The following RNLS variants were observed in gnomAD, a reference collection of about 807,000 sequenced individuals.
The protein encoded by RNLS is renalase.
In RNLS, 39 loss-of-function variants were observed where a neutral mutation model predicts 39.8. The observed-to-expected ratio is 0.98, with a 90% CI of 0.76 to 1.28. The LOEUF is 1.28. RNLS is among the 50% of genes most tolerant of loss of function. The probability of loss-of-function intolerance (pLI) is 0.00; values close to 1 mark genes in which losing one functional copy is unlikely to be tolerated. For synonymous variants in RNLS, 147 were observed against 150.7 expected (o/e 0.98, Z 0.18); for missense variants, 410 against 413.3 (o/e 0.99, Z 0.07).
At chr10:88,343,144 G>C (rs983519261) in intron 5 of RNLS, among the ~76,000 whole-genome samples, 53 of 152,150 alleles carry the variant, frequency 3.5e-4, no homozygotes, top group African/African-American at 2.4e-5. Context: ...GAACAGGAAA[G>C]TGAGTGGCAT....
chr10:88,361,152 T>C (rs1477865512), intron 5 of RNLS, among the ~76,000 whole-genome samples: 1 of 152,214 alleles, frequency 6.6e-6, no homozygotes, highest in African/African-American at 2.4e-5. Flanking sequence ...CTTTCTCTTT[T>C]GCTCTTCTTT....
the RNLS span, among the ~76,000 whole-genome samples, chr10:88,230,415 G>A: frequency 6.6e-6 from 1 of 152,124 alleles, no homozygotes; most frequent in South Asian, 2.1e-4. Flanking sequence ...ATCCACCTGA[G>A]TCGCCCCCTC....
intron 4 of RNLS, among the ~76,000 whole-genome samples, chr10:88,422,759 G>GC (rs199503027): frequency 2.0e-5 from 3 of 150,500 alleles, no homozygotes; most frequent in Admixed American, 1.3e-4. Flanking sequence ...CAATTAGATG[G>GC]CCCTTTTTTT....
At chr10:88,505,569 TA>T (rs1007865157) in intron 4 of RNLS, among the ~76,000 whole-genome samples, 4 of 151,622 alleles carry the variant, frequency 2.6e-5, no homozygotes, top group Admixed American at 1.3e-4. Flanking sequence ...GAAGGAATAA[TA>T]AAAAAAAGTT....
chr10:88,512,954 T>C (rs1846212027), intron 4 of RNLS, among the ~76,000 whole-genome samples: 1 of 152,114 alleles, frequency 6.6e-6, no homozygotes, highest in Admixed American at 6.6e-5. Flanking sequence ...ATAATAATAA[T>C]ACCTACCTCA....
chr10:88,340,588 TACTA>T (rs1356772819), intron 5 of RNLS, among the ~76,000 whole-genome samples: 18 of 152,338 alleles, frequency 1.2e-4, no homozygotes, highest in African/African-American at 4.3e-4. Context: ...TGTTTTATGA[TACTA>T]CCTCTTCAAT....
intron 4 of RNLS, among the ~76,000 whole-genome samples, chr10:88,451,350 T>C (rs1460194058): frequency 1.3e-5 from 2 of 152,100 alleles, no homozygotes; most frequent in Admixed American, 6.5e-5. Context: ...GACAACGTGG[T>C]TTGGCTGCCC....
At position 88,314,388 on chromosome 10, in the gene RNLS, A is replaced by G. The variant is rs11202711; in HGVS notation, c.876+78T>C. Reference sequence around the variant, plus strand: ...TTAATTTATTTCACTAGAGAGTGCAAAGGATAAAGAAGTAACATCAGTTCT... The same window carrying G: ...TTAATTTATTTCACTAGAGAGTGCAGAGGATAAAGAAGTAACATCAGTTCT... On this transcript the variant is annotated intron_variant, in intron 6 of 6. Coordinates refer to ENST00000331772, the MANE Select transcript of RNLS (RefSeq NM_001031709.3). 476,278 of 1,427,590 alleles carry G rather than the reference A, an allele frequency of 0.33. 82,316 individuals are homozygous for G. The highest frequency in any genetic ancestry group is 0.37 in the South Asian group (28,778 of 76,886). The allele number at this position is 1,427,590 out of a possible 1,614,324, so 88.4% of individuals were successfully genotyped here.
intron 4 of RNLS, among the ~76,000 whole-genome samples, chr10:88,510,196 T>A (rs1846039058): frequency 6.6e-6 from 1 of 152,062 alleles, no homozygotes; most frequent in South Asian, 2.1e-4. Context: ...GGTGTATATA[T>A]AAATTGAATG....
chr10:88,295,538 T>C (rs889157793), intron 6 of RNLS, among the ~76,000 whole-genome samples: 11 of 152,226 alleles, frequency 7.2e-5, no homozygotes, highest in Admixed American at 6.5e-4. Flanking sequence ...GGGAAAGACT[T>C]ACTTGTATTG....
chr10:88,372,800 C>A (rs910401855), intron 4 of RNLS, among the ~76,000 whole-genome samples: 1 of 152,242 alleles, frequency 6.6e-6, no homozygotes, highest in East Asian at 1.9e-4. Context: ...CTTCTCTTCA[C>A]GTATTTGGCT....
intron 4 of RNLS, among the ~76,000 whole-genome samples, chr10:88,490,522 G>A (rs1039907202): frequency 3.3e-5 from 5 of 152,138 alleles, no homozygotes; most frequent in Non-Finnish European, 7.4e-5. Flanking sequence ...CCTGTTTACT[G>A]TTAGCAAATG....
chr10:88,509,018 G>C (rs1264660286), intron 4 of RNLS, among the ~76,000 whole-genome samples: 1 of 151,846 alleles, frequency 6.6e-6, no homozygotes, highest in East Asian at 1.9e-4. Flanking sequence ...TGGGGGTGGG[G>C]GGGCTGGTTC....
chr10:88,310,473 A>G (rs1379139842), intron 6 of RNLS, among the ~76,000 whole-genome samples: 1 of 152,006 alleles, frequency 6.6e-6, no homozygotes, highest in Non-Finnish European at 1.5e-5. Flanking sequence ...TATAGCTTTC[A>G]TTAGATCCTT....
intron 4 of RNLS, among the ~76,000 whole-genome samples, chr10:88,378,109 A>G (rs2133483798): frequency 6.6e-6 from 1 of 152,222 alleles, no homozygotes; most frequent in East Asian, 1.9e-4. Context: ...GAAGGTCTTC[A>G]AGGAGCATTA....
intron 4 of RNLS, among the ~76,000 whole-genome samples, chr10:88,538,582 A>T (rs1296570593): frequency 6.6e-6 from 1 of 152,140 alleles, no homozygotes; most frequent in Non-Finnish European, 1.5e-5. Context: ...GTGAAATCTG[A>T]TTTTATTTTT....
intron 5 of RNLS, among the ~76,000 whole-genome samples, chr10:88,358,896 C>T (rs188406298): frequency 1.6e-4 from 24 of 152,344 alleles, no homozygotes; most frequent in Non-Finnish European, 3.1e-4. Flanking sequence ...TATCTTGTTG[C>T]TTCTCTACCT....
chr10:88,475,452 C>G (rs1843759182), intron 4 of RNLS, among the ~76,000 whole-genome samples: 1 of 152,182 alleles, frequency 6.6e-6, no homozygotes, highest in Non-Finnish European at 1.5e-5. Flanking sequence ...TTAAGGAACA[C>G]TTTTTCATTT....
At chr10:88,206,602 C>G in the RNLS span, among the ~76,000 whole-genome samples, 3 of 152,140 alleles carry the variant, frequency 2.0e-5, no homozygotes, top group East Asian at 5.8e-4. Flanking sequence ...TTTTCTCTGC[C>G]TTTTCTCCAA....
Sources: gnomAD v4.1 joint callset for allele counts (sites outside exome capture counted in the v4.1 genomes callset) on GRCh38, gnomAD v4.1.1 for gene constraint, MANE v1.5 for transcripts, NCBI Gene and HGNC (gene_info 2026-07-23, HGNC 2026-07-21) for gene names.